Variants in CD96 observed in about 807,000 individuals in gnomAD.
CD96 encodes the protein T-cell surface protein tactile.
CD96 carries 70 observed loss-of-function variants against 71.3 expected under a neutral mutation model. That is an observed-to-expected ratio of 0.98 (90% CI 0.81 to 1.20). The LOEUF (loss-of-function observed/expected upper bound fraction) is 1.20. Ranked by LOEUF, CD96 falls within the 50% of genes most tolerant of loss-of-function variation. The probability of loss-of-function intolerance (pLI) is 0.00; values close to 1 mark genes in which losing one functional copy is unlikely to be tolerated. For missense variants in CD96, 742 were observed against 677.5 expected, an observed-to-expected ratio of 1.10 and a Z score of -1.06; for synonymous variants, 248 against 233.0, an observed-to-expected ratio of 1.06 and a Z score of -0.59.
chr3:111,627,839 T>A (rs996079447), intron 10 of CD96, among the ~76,000 whole-genome samples: 1 of 152,182 alleles, frequency 6.6e-6, no homozygotes, highest in African/African-American at 2.4e-5. Flanking sequence ...CCTTCACTGA[T>A]GATACCTCCA....
chr3:111,618,810 A>C (rs568793716), intron 8 of CD96, among the ~76,000 whole-genome samples: 1 of 151,796 alleles, frequency 6.6e-6, no homozygotes, highest in African/African-American at 2.4e-5. Context: ...TGACCTCATG[A>C]TCCACCCGCC....
At chr3:111,596,246 G>T (rs1237990530) in intron 5 of CD96, among the ~76,000 whole-genome samples, 2 of 151,668 alleles carry the variant, frequency 1.3e-5, no homozygotes, top group South Asian at 2.1e-4. Context: ...AATATGTAGA[G>T]GTTGACAGTT....
chr3:111,638,239 C>A, intron 12 of CD96, 71 bp downstream of exon 12: 1 of 958,256 alleles, frequency 1.0e-6, no homozygotes, highest in Non-Finnish European at 1.7e-6. Context: ...AAGTACCTGC[C>A]ATTTGCCAGG....
intron 2 of CD96, 50 bp downstream of exon 2, chr3:111,545,452 C>G: frequency 8.4e-7 from 1 of 1,197,238 alleles, no homozygotes; most frequent in East Asian, 2.3e-5. Flanking sequence ...CTCTCTCATT[C>G]AACAAATGTA....
chr3:111,542,415 A>G, intron 1 of CD96, 106 bp downstream of exon 1: 1 of 211,250 alleles, frequency 4.7e-6, no homozygotes, highest in Non-Finnish European at 1.1e-5. Context: ...TTGATCACCA[A>G]AGGACAAATC....
chr3:111,608,075 C>T (rs1199804079), intron 8 of CD96, among the ~76,000 whole-genome samples: 1 of 141,922 alleles, frequency 7.0e-6, no homozygotes. Context: ...AGGTGCTAAC[C>T]TGGGTTCTTT....
chr3:111,554,168 A>G (rs984535972), intron 2 of CD96, among the ~76,000 whole-genome samples: 2 of 152,056 alleles, frequency 1.3e-5, no homozygotes, highest in Admixed American at 6.6e-5. Context: ...ACATTTTTAT[A>G]TATCTCTAAT....
chr3:111,637,312 T>C (rs536736549), intron 11 of CD96, 51 bp downstream of exon 11: 1 of 976,868 alleles, frequency 1.0e-6, no homozygotes, highest in South Asian at 1.3e-5. Context: ...GTCAGCTTTA[T>C]TTGGACACAG....
At chr3:111,658,343 ATAGG>A (rs1471747994) in intron 14 of CD96, among the ~76,000 whole-genome samples, 2 of 152,326 alleles carry the variant, frequency 1.3e-5, no homozygotes, top group African/African-American at 2.4e-5. Context: ...AGATAGGTAG[ATAGG>A]TAGTCAGAGA....
At chr3:111,551,890 G>A in intron 2 of CD96, among the ~76,000 whole-genome samples, 1 of 152,064 alleles carries the variant, frequency 6.6e-6, no homozygotes, top group East Asian at 1.9e-4. Flanking sequence ...TTCCACAATG[G>A]CTGAACTAAT....
chr3:111,660,109 C>G (rs1369803536), intron 14 of CD96, among the ~76,000 whole-genome samples: 1 of 152,172 alleles, frequency 6.6e-6, no homozygotes, highest in Admixed American at 6.5e-5. Context: ...TGGCATGACT[C>G]TGTATAGAAA....
intron 2 of CD96, among the ~76,000 whole-genome samples, chr3:111,556,697 T>A (rs1295032755): frequency 1.4e-5 from 2 of 145,926 alleles, no homozygotes; most frequent in African/African-American, 5.1e-5. Flanking sequence ...CAGCATGATT[T>A]ATAGTCATTT....
At chr3:111,627,672 C>T (rs185325030) in intron 10 of CD96, among the ~76,000 whole-genome samples, 3 of 152,364 alleles carry the variant, frequency 2.0e-5, no homozygotes, top group East Asian at 3.9e-4. Flanking sequence ...CATCTTTAAG[C>T]AGGTCCCTGA....
At chr3:111,593,822 T>A in intron 5 of CD96, 1 of 1,614,130 alleles carries the variant, frequency 6.2e-7, no homozygotes, top group South Asian at 1.1e-5. Context: ...CTGGGGCCCG[T>A]GGGGCCTTGG....
At chr3:111,571,340 C>T (rs1234570153) in intron 3 of CD96, among the ~76,000 whole-genome samples, 1 of 151,088 alleles carries the variant, frequency 6.6e-6, no homozygotes, top group African/African-American at 2.4e-5. Flanking sequence ...GTCCCCTTTC[C>T]CCACAGTCTT....
intron 1 of CD96, among the ~76,000 whole-genome samples, 162 bp from the exon 2 acceptor site, chr3:111,544,884 A>G (rs906257782): frequency 3.3e-5 from 5 of 152,198 alleles, no homozygotes; most frequent in African/African-American, 1.2e-4. Context: ...TGTCTCATGC[A>G]TCTCTATCTG....
intron 3 of CD96, 93 bp from the exon 4 acceptor site, chr3:111,578,934 T>C (rs1936342298): frequency 7.8e-6 from 6 of 767,296 alleles, no homozygotes; most frequent in Non-Finnish European, 1.4e-5. Context: ...CTCTCTACTT[T>C]ACAAAAAGTA....
intron 2 of CD96, among the ~76,000 whole-genome samples, chr3:111,547,119 A>G (rs1377187255): frequency 2.0e-5 from 3 of 152,228 alleles, no homozygotes; most frequent in Non-Finnish European, 4.4e-5. Flanking sequence ...AGTTTCTTAC[A>G]TAACAAATAT....
At chr3:111,641,838 A>G (rs1015583160) in intron 12 of CD96, among the ~76,000 whole-genome samples, 14 of 152,254 alleles carry the variant, frequency 9.2e-5, no homozygotes, top group Non-Finnish European at 1.5e-4. Flanking sequence ...AATCAACTCC[A>G]GAAGGAACCT....
Sources: gnomAD v4.1 joint callset for allele counts (sites outside exome capture counted in the v4.1 genomes callset) on GRCh38, gnomAD v4.1.1 for gene constraint, MANE v1.5 for transcripts, NCBI Gene and HGNC (gene_info 2026-07-23, HGNC 2026-07-21) for gene names.